LRRC63: variants seen among roughly 807,000 people sequenced by gnomAD.
LRRC63 encodes the protein leucine rich repeat containing 63.
In LRRC63, 40 loss-of-function variants were observed where a neutral mutation model predicts 49.5. That is an observed-to-expected ratio of 0.81 (90% CI 0.63 to 1.05). LRRC63 has a LOEUF of 1.05. Ranked by LOEUF, LRRC63 falls within the 50% of genes least tolerant of loss-of-function variation. The pLI is 0.00. For synonymous variants in LRRC63, 191 were observed against 221.1 expected (o/e 0.86, Z 1.21); for missense variants, 636 against 663.1 (o/e 0.96, Z 0.45).
At chr13:46,237,537 A>G (rs1305118741) in intron 5 of LRRC63, among the ~76,000 whole-genome samples, 1 of 152,144 alleles carries the variant, frequency 6.6e-6, no homozygotes, top group Non-Finnish European at 1.5e-5. Flanking sequence ...ACCTTAAAGA[A>G]CTTGAAGAAA....
intron 9 of LRRC63, among the ~76,000 whole-genome samples, chr13:46,275,653 C>G (rs1263565968): frequency 1.1e-5 from 1 of 91,640 alleles, no homozygotes; most frequent in Non-Finnish European, 2.1e-5. Flanking sequence ...ATTTTAAAAT[C>G]AGATTTTTTT....
chr13:46,246,624 A>G, exon 6 of LRRC63: 2 of 1,377,188 alleles, frequency 1.5e-6, no homozygotes, highest in East Asian at 2.7e-5. Flanking sequence ...TTTCCCACAG[A>G]AGTGAGTCAA....
chr13:46,265,159 CA>C (rs71701775), intron 8 of LRRC63, among the ~76,000 whole-genome samples: 2,233 of 143,196 alleles, frequency 0.016, 48 homozygotes, highest in African/African-American at 0.048. Flanking sequence ...GACTCCATCT[CA>C]AAAAAAAAAA....
At chr13:46,223,331 C>T (rs1212170485) in intron 2 of LRRC63, among the ~76,000 whole-genome samples, 1 of 152,198 alleles carries the variant, frequency 6.6e-6, no homozygotes, top group East Asian at 1.9e-4. Flanking sequence ...TTTCAGGATT[C>T]TGTATTCTGT....
At chr13:46,229,857 T>C (rs2046692819) in intron 4 of LRRC63, among the ~76,000 whole-genome samples, 1 of 152,186 alleles carries the variant, frequency 6.6e-6, no homozygotes, top group Admixed American at 6.5e-5. Context: ...ACAAGAAGTA[T>C]GGTGCTGGTA....
chr13:46,250,435 T>A (rs1265973428), exon 7 of LRRC63: 2 of 1,536,202 alleles, frequency 1.3e-6, no homozygotes, highest in African/African-American at 2.8e-5. Context: ...TTCAACAACT[T>A]GAGTTCCTTA....
At chr13:46,225,535 G>A (rs1428497822) in intron 2 of LRRC63, among the ~76,000 whole-genome samples, 1 of 152,204 alleles carries the variant, frequency 6.6e-6, no homozygotes, top group Non-Finnish European at 1.5e-5. Context: ...CCATTAAAGG[G>A]AAGGATAAAT....
chr13:46,217,938 G>A (rs1322914839), intron 2 of LRRC63, among the ~76,000 whole-genome samples: 1 of 152,210 alleles, frequency 6.6e-6, no homozygotes, highest in African/African-American at 2.4e-5. Flanking sequence ...TCTTAATCCT[G>A]AGTTCTAATT....
intron 4 of LRRC63, among the ~76,000 whole-genome samples, chr13:46,231,858 C>G (rs1227614822): frequency 2.7e-5 from 4 of 146,450 alleles, no homozygotes; most frequent in Non-Finnish European, 6.0e-5. Context: ...CTCTGTCACC[C>G]AGGCTGGAGA....
exon 3 of LRRC63, chr13:46,227,512 C>A: frequency 6.8e-7 from 1 of 1,470,724 alleles, no homozygotes. Flanking sequence ...TTTGGTTTAG[C>A]TAAAACTGGT....
At chr13:46,228,261 A>G in intron 3 of LRRC63, 72 bp downstream of exon 3, 1 of 1,162,596 alleles carries the variant, frequency 8.6e-7, no homozygotes, top group Non-Finnish European at 1.2e-6. Flanking sequence ...ATGCAAGCTA[A>G]TGGTACCCCT....
At chr13:46,271,137 A>G (rs2047752593) in intron 9 of LRRC63, among the ~76,000 whole-genome samples, 1 of 152,160 alleles carries the variant, frequency 6.6e-6, no homozygotes, top group Non-Finnish European at 1.5e-5. Flanking sequence ...GTTTCCAAAG[A>G]GCCGACTGCA....
At chr13:46,273,979 A>C (rs561560056) in intron 9 of LRRC63, among the ~76,000 whole-genome samples, 5 of 151,776 alleles carry the variant, frequency 3.3e-5, no homozygotes, top group Non-Finnish European at 7.4e-5. Context: ...CTAGTTGTCC[A>C]TTGGAGATCA....
At chr13:46,269,592 T>C (rs1014295519) in intron 9 of LRRC63, among the ~76,000 whole-genome samples, 4 of 152,012 alleles carry the variant, frequency 2.6e-5, no homozygotes, top group Non-Finnish European at 4.4e-5. Flanking sequence ...TACAAGGAAG[T>C]GTAGAAGGCT....
intron 5 of LRRC63, among the ~76,000 whole-genome samples, chr13:46,246,025 G>A (rs912191707): frequency 2.0e-5 from 3 of 152,126 alleles, no homozygotes; most frequent in Non-Finnish European, 4.4e-5. Flanking sequence ...CATGGGGATG[G>A]ATTTCCACCT....
chr13:46,269,958 A>G, intron 9 of LRRC63: 1 of 267,430 alleles, frequency 3.7e-6, no homozygotes, highest in South Asian at 5.0e-5. Context: ...GCATTCCAAG[A>G]CCTCCAGTGG....
chr13:46,267,429 C>A (rs911123296), intron 9 of LRRC63, among the ~76,000 whole-genome samples: 1 of 152,146 alleles, frequency 6.6e-6, no homozygotes. Context: ...AATCTCAAGA[C>A]CAGGGTACTT....
chr13:46,260,148 C>T (rs1461911786), intron 7 of LRRC63, among the ~76,000 whole-genome samples: 2 of 152,186 alleles, frequency 1.3e-5, no homozygotes, highest in South Asian at 2.1e-4. Context: ...TGTTACATCT[C>T]ACAATCAGCA....
At chr13:46,257,263 A>G (rs1378080929) in intron 7 of LRRC63, among the ~76,000 whole-genome samples, 12 of 152,242 alleles carry the variant, frequency 7.9e-5, no homozygotes, top group Non-Finnish European at 2.9e-5. Context: ...TTCTGCCAAC[A>G]GCCTGCATGA....
Sources: gnomAD v4.1 joint callset for allele counts (sites outside exome capture counted in the v4.1 genomes callset) on GRCh38, gnomAD v4.1.1 for gene constraint, MANE v1.5 for transcripts, NCBI Gene and HGNC (gene_info 2026-07-23, HGNC 2026-07-21) for gene names.